The following USP35 variants were observed in gnomAD, a reference collection of about 807,000 sequenced individuals.
The protein encoded by USP35 is ubiquitin specific peptidase 35.
In USP35, 69 loss-of-function variants were observed where a neutral mutation model predicts 83.8. The observed-to-expected ratio is 0.82, with a 90% confidence interval of 0.68 to 1.01. The LOEUF (loss-of-function observed/expected upper bound fraction) is 1.01. Among genes scored for constraint, USP35 ranks in the 50% least tolerant of loss-of-function variants. The probability of loss-of-function intolerance (pLI) is 0.00; values close to 1 mark genes in which losing one functional copy is unlikely to be tolerated. For synonymous variants in USP35, 714 were observed against 589.5 expected, an observed-to-expected ratio of 1.21 and a Z score of -3.06; for missense variants, 1,503 against 1,362.5, an observed-to-expected ratio of 1.10 and a Z score of -1.62.
chr11:78,203,186 C>T (rs868775028), intron 6 of USP35, among the ~76,000 whole-genome samples: 9 of 152,074 alleles, frequency 5.9e-5, no homozygotes, highest in African/African-American at 9.7e-5. Context: ...TCAAGGACCC[C>T]GCCTTCTCAA....
the USP35 span, among the ~76,000 whole-genome samples, chr11:78,234,941 C>T: frequency 1.3e-5 from 2 of 151,868 alleles, no homozygotes; most frequent in Middle Eastern, 3.4e-3. Flanking sequence ...ACCCAGGAGG[C>T]GAAGGTTGCA....
rs199928710 is a variant in USP35, at chr11:78,196,365, G to A, written c.120G>A (p.Ala40=). 2,182 of 1,528,802 alleles carry A rather than the reference G, an allele frequency of 1.4e-3. 28 individuals carry two copies. In the African/African-American group the frequency reaches 0.028, roughly 19 times the overall value. The allele number at this position is 1,528,802 out of a possible 1,614,324, so 94.7% of individuals were successfully genotyped here. ...CGCTGGAGCGTGAGCAGTGCCTGGC[G>A]CTGCTGGCGCTGGGCGCGCGCCTCT... ...RQPLEREQCL[A]LLALGARLYV... Residue 40 remains alanine (A), a synonymous_variant, in exon 2 of 11, where the codon GCG becomes GCA. Coordinates refer to ENST00000529308, the MANE Select transcript of USP35 (RefSeq NM_020798.4). This position sits in a 1 kb window ranked among gnomAD's most constrained non-coding sequence, Gnocchi z 4.8.
At chr11:78,215,446 CAATTTAAAA>C (rs1488302581), downstream of USP35, 1 of 152,282 alleles carries the variant, frequency 6.6e-6, no homozygotes, top group Non-Finnish European at 1.5e-5. Context: ...AAATATGTTA[CAATTTAAAA>C]AAAAGAATAC....
rs75753106 is a variant in USP35 at position 78,189,439 on chromosome 11, G to C, written c.-11+282G>C. Among the ~76,000 whole-genome samples the C allele has an allele frequency of 3.7e-3, 561 of 152,284 alleles. 9 individuals are homozygous for C. The East Asian group carries it at 0.088, about 24-fold the overall frequency. ...TAGTACATTCGCTTGCTGGCTTTTC[G>C]TGGGGCCCTCCAGCTCAAGCGTGGG... On this transcript the variant is annotated intron_variant, in intron 1 of 10. Transcript: ENST00000529308.
chr11:78,220,323 C>G, the USP35 span: 3 of 1,612,116 alleles, frequency 1.9e-6, no homozygotes, highest in South Asian at 2.2e-5. Flanking sequence ...AGGCACCTTG[C>G]GGTGGGGGCT....
intron 6 of USP35, among the ~76,000 whole-genome samples, chr11:78,204,100 C>T (rs556889035): frequency 3.6e-4 from 54 of 151,794 alleles, no homozygotes; most frequent in East Asian, 1.4e-3. Flanking sequence ...CCGTTTTAGC[C>T]GGGATGGTCT....
At chr11:78,235,919 G>A in the USP35 span, among the ~76,000 whole-genome samples, 1 of 152,030 alleles carries the variant, frequency 6.6e-6, no homozygotes, top group African/African-American at 2.4e-5. Context: ...TTTCAGCAAC[G>A]CCCCACTCTA....
In USP35 at chr11:78,214,020, T is replaced by A. The variant is rs999458374; in HGVS notation, c.*207T>A. On this transcript the variant is annotated 3_prime_UTR_variant, in exon 11 of 11. Coordinates refer to ENST00000529308, the MANE Select transcript of USP35 (RefSeq NM_020798.4). Reference sequence around the variant, plus strand: ...TTGGGGATCAGTCCCATTAAAACTTTACACCCAAGTGTCCTGGTTAACTTG... The same window carrying A: ...TTGGGGATCAGTCCCATTAAAACTTAACACCCAAGTGTCCTGGTTAACTTG... 1 of 524,498 alleles carries A rather than the reference T, an allele frequency of 1.9e-6. No homozygotes were observed. The highest frequency in any genetic ancestry group is 3.1e-6 in the Non-Finnish European group (1 of 325,612). 32.5% of individuals were successfully genotyped at this position (524,498 alleles called of 1,614,324 possible).
At chr11:78,231,172 A>G in the USP35 span, among the ~76,000 whole-genome samples, 2 of 152,234 alleles carry the variant, frequency 1.3e-5, no homozygotes, top group Non-Finnish European at 2.9e-5. Flanking sequence ...ACAAGCACGT[A>G]TGGGAGCTCC....
At chr11:78,226,873 C>T in the USP35 span, 20 of 1,613,954 alleles carry the variant, frequency 1.2e-5, no homozygotes, top group East Asian at 2.2e-4. Context: ...CGGGGGAGGT[C>T]GTAGGTACTG....
At chr11:78,211,732 C>T (rs993215399) in intron 10 of USP35, among the ~76,000 whole-genome samples, 1 of 152,188 alleles carries the variant, frequency 6.6e-6, no homozygotes, top group Admixed American at 6.5e-5. Context: ...CGTTTGTTGG[C>T]CACATGAATG....
In USP35 at chr11:78,209,836, G is replaced by T; in HGVS notation, c.1981G>T (p.Gly661Cys). 1.2e-6 allele frequency: 2 copies of T among 1,613,480 alleles called. No homozygotes were observed. Among genetic ancestry groups the T allele is most frequent in the Non-Finnish European group, 1.7e-6 (2 of 1,179,742 alleles). The part of the protein sequence containing the change: ...DTPPTSLYIE[G>C]LDSKEAGGQS... ...CCCCCCCACCAGCCTGTACATCGAA[G>T]GCCTGGACTCCAAGGAAGCTGGTGG... The change falls in exon 10 of 11, where the codon GGC (glycine) becomes TGC (cysteine). Residue 661 changes from glycine to cysteine, a missense_variant. Transcript: ENST00000529308.
In USP35 at chr11:78,196,275, G is replaced by A. The variant is rs1404258532; in HGVS notation, c.30G>A (p.Thr10=). The change falls in exon 2 of 11, where the codon ACG becomes ACA. Residue 10 remains threonine (T), a synonymous_variant. Transcript: ENST00000529308. This position sits in a 1 kb window ranked among gnomAD's most constrained non-coding sequence, Gnocchi z 4.8. MDKILEAVV[T]SSYPVSVKQG... is the part of the protein sequence containing the mutation. ...ACAAGATCTTGGAGGCGGTGGTGAC[G>A]TCGTCATACCCGGTCAGCGTGAAGC... is the stretch of plus-strand genomic sequence containing the variant. 2.5e-6 allele frequency: 4 copies of A among 1,595,578 alleles called. No individual in the cohort carries two copies. The highest frequency in any genetic ancestry group is 1.7e-5 in the Admixed American group (1 of 59,800).
chr11:78,214,389 G>GGGA lies in USP35; in HGVS notation c.*576_*577insGGA. 1 of 127,902 alleles carries GGGA rather than the reference G, an allele frequency of 7.8e-6. No individual in the cohort carries two copies. Among genetic ancestry groups the GGGA allele is most frequent in the Non-Finnish European group, 1.7e-5 (1 of 57,486 alleles). 7.9% of individuals were successfully genotyped at this position (127,902 alleles called of 1,614,324 possible). ...CCACTGCATGGTTTTGGGGGGGGGG[G>GGGA]CGGGGGGCTAGCTTCTCACAGCAGG... is the stretch of plus-strand genomic sequence containing the variant. On this transcript the variant is annotated 3_prime_UTR_variant, in exon 11 of 11. Transcript: ENST00000529308.
rs1555090700 is a variant in USP35 at position 78,214,951 on chromosome 11, C to CA, written c.*1140dup. Reference sequence around the variant, plus strand: ...GAGGATGCACCTGGGAGGCAGCTCTCAAGCCTTTACCTACCTCCTTCCCCA... The same window carrying CA: ...GAGGATGCACCTGGGAGGCAGCTCTCAAAGCCTTTACCTACCTCCTTCCCCA... On this transcript the variant is annotated 3_prime_UTR_variant, in exon 11 of 11. Transcript: ENST00000529308. 6.6e-6 allele frequency among the ~76,000 whole-genome samples: 1 copy of CA among 152,128 alleles called. No homozygotes were observed. The highest frequency in any genetic ancestry group is 1.5e-5 in the Non-Finnish European group (1 of 68,026).
At position 78,202,093 on chromosome 11, in the gene USP35, G is replaced by A. The variant is rs182161300; in HGVS notation, c.1197+1285G>A. 3.9e-5 allele frequency among the ~76,000 whole-genome samples: 6 copies of A among 152,354 alleles called. No individual in the cohort carries two copies. The East Asian group carries it at 7.7e-4, about 20-fold the overall frequency. ...AAAAGGAAGAGATAACTGAATTCCA[G>A]AGTGGTAGGTGAGAAACAATGTTCT... On this transcript the variant is annotated intron_variant, in intron 6 of 10. Transcript: ENST00000529308.
At chr11:78,221,648 G>A in the USP35 span, 67 of 1,443,628 alleles carry the variant, frequency 4.6e-5, no homozygotes, top group African/African-American at 1.8e-4. Context: ...CTTGAAAGGC[G>A]TCATTCCAGC....
chr11:78,219,038 G>T, downstream of USP35: 1 of 531,606 alleles, frequency 1.9e-6, no homozygotes, highest in Non-Finnish European at 3.3e-6. Flanking sequence ...GTGGAGGCAT[G>T]GCCATTACTG....
chr11:78,220,343 C>G, the USP35 span: 2 of 1,612,710 alleles, frequency 1.2e-6, no homozygotes, highest in South Asian at 2.2e-5. Flanking sequence ...TTGGGGAGCT[C>G]GGCTGGAAGT....
Sources: gnomAD v4.1 joint callset for allele counts (sites outside exome capture counted in the v4.1 genomes callset) on GRCh38, gnomAD v4.1.1 for gene constraint, Gnocchi (gnomAD v3.1) non-coding constraint, MANE v1.5 for transcripts, NCBI Gene and HGNC (gene_info 2026-07-23, HGNC 2026-07-21) for gene names.